The following MYH15 variants were observed in gnomAD, a reference collection of about 807,000 sequenced individuals.
MYH15 encodes myosin-15.
MYH15 carries 227 observed loss-of-function variants against 240.5 expected under a neutral mutation model. The ratio of observed to expected loss-of-function variants is 0.94; its 90% CI spans 0.85 to 1.05. MYH15 has a LOEUF of 1.05. MYH15 is among the 50% of genes least tolerant of loss of function. MYH15 has a pLI of 0.00. For synonymous variants in MYH15, 785 were observed against 796.7 expected (o/e 0.99, Z 0.25); for missense variants, 2,217 against 2,247.5 (o/e 0.99, Z 0.27).
At chr3:108,463,521 A>G (rs1290857398) in intron 15 of MYH15, among the ~76,000 whole-genome samples, 1 of 151,398 alleles carries the variant, frequency 6.6e-6, no homozygotes, top group African/African-American at 2.4e-5. Flanking sequence ...ATGTGTGGAG[A>G]TTTGGTTTCC....
At chr3:108,532,840 C>T (rs866628618), upstream of MYH15, among the ~76,000 whole-genome samples, 5 of 152,266 alleles carry the variant, frequency 3.3e-5, no homozygotes, top group Middle Eastern at 3.4e-3. Context: ...AAGGCCATGC[C>T]TATCTGGATG....
chr3:108,403,627 G>T (rs1287371465), intron 33 of MYH15, among the ~76,000 whole-genome samples: 2 of 151,886 alleles, frequency 1.3e-5, no homozygotes, highest in African/African-American at 4.8e-5. Flanking sequence ...GAAAGGGTCT[G>T]GGCTGGTATT....
intron 29 of MYH15, 123 bp downstream of exon 29, chr3:108,416,689 T>G: frequency 1.2e-6 from 1 of 817,668 alleles, no homozygotes; most frequent in East Asian, 2.6e-5. Context: ...TTTTCCCCCA[T>G]AACTTCTAGG....
At chr3:108,435,841 C>T (rs1354803304) in intron 25 of MYH15, among the ~76,000 whole-genome samples, 2 of 144,452 alleles carry the variant, frequency 1.4e-5, no homozygotes, top group African/African-American at 5.5e-5. Context: ...TATGTATACA[C>T]ACACACACAC....
chr3:108,470,085 C>A lies in MYH15; in HGVS notation c.1511G>T (p.Gly504Val), dbSNP rs2083158370. Reference protein sequence around the residue: ...KKESIEWVSIGFGLDLQACID... With the variant: ...KKESIEWVSIVFGLDLQACID... ...GCAAGCTTGCAAATCCAGACCAAAGCCAATAGACACCCATTCAATGCTTTC... is the reference window on the plus strand; with the variant it reads ...GCAAGCTTGCAAATCCAGACCAAAGACAATAGACACCCATTCAATGCTTTC... Residue 504 changes from glycine to valine, a missense_variant, in exon 14 of 41, where the codon GGC becomes GTC. Transcript: ENST00000693548. 1.2e-6 allele frequency: 2 copies of A among 1,610,858 alleles called. No homozygotes were observed. Among genetic ancestry groups the A allele is most frequent in the African/African-American group, 2.7e-5 (2 of 74,630 alleles).
chr3:108,524,888 A>G (rs2083654586), intron 1 of MYH15, among the ~76,000 whole-genome samples: 1 of 152,008 alleles, frequency 6.6e-6, no homozygotes, highest in Non-Finnish European at 1.5e-5. Flanking sequence ...GCATGATTCA[A>G]TATTCTGCTA....
In MYH15 at chr3:108,394,170, G is replaced by A; in HGVS notation, c.5134-14C>T. The A allele has an allele frequency of 6.2e-7, 1 of 1,613,686 alleles. No individual in the cohort carries two copies. The highest frequency in any genetic ancestry group is 8.5e-7 in the Non-Finnish European group (1 of 1,179,890). On this transcript the variant is annotated splice_polypyrimidine_tract_variant and intron_variant, in intron 35 of 40. Coordinates refer to ENST00000693548, the MANE Select transcript of MYH15 (RefSeq NM_014981.3). ...GAGGCTTGTGTTCTAAAGAAAAGCAGCATTCCTATTAGGCAAGTAAAAACC... is the reference window on the plus strand; with the variant it reads ...GAGGCTTGTGTTCTAAAGAAAAGCAACATTCCTATTAGGCAAGTAAAAACC...
intron 27 of MYH15, among the ~76,000 whole-genome samples, chr3:108,423,900 A>C (rs775991120): frequency 6.6e-6 from 1 of 152,236 alleles, no homozygotes; most frequent in Non-Finnish European, 1.5e-5. Flanking sequence ...AGGTGGCCCA[A>C]ATTGTCATGA....
In MYH15 at chr3:108,444,706, C is replaced by T; in HGVS notation, c.2589G>A (p.Glu863=). The change falls in exon 22 of 41, where the codon GAG becomes GAA. Residue 863 remains glutamate, a synonymous_variant. Coordinates refer to ENST00000693548, the MANE Select transcript of MYH15 (RefSeq NM_014981.3). ...GGGATACTTGCTTTGCTTTCAGTTC[C>T]TCCCTCTGAAACTCTGATTTCTCCA... The part of the protein sequence containing the change: ...KALEKSEFQR[E]ELKAKQVSLT... 6.2e-7 allele frequency: 1 copy of T among 1,614,016 alleles called. No individual in the cohort carries two copies. Among genetic ancestry groups the T allele is most frequent in the South Asian group, 1.1e-5 (1 of 91,078 alleles).
chr3:108,483,057 A>G (rs2083278727), intron 11 of MYH15, among the ~76,000 whole-genome samples: 1 of 151,922 alleles, frequency 6.6e-6, no homozygotes, highest in South Asian at 2.1e-4. Flanking sequence ...AGCCCAGTGT[A>G]GTGGTGCACC....
At chr3:108,443,513 T>G (rs2082901196) in intron 22 of MYH15, among the ~76,000 whole-genome samples, 1 of 152,106 alleles carries the variant, frequency 6.6e-6, no homozygotes, top group Non-Finnish European at 1.5e-5. Context: ...CTGTGCTAAG[T>G]AGAGAGGAAA....
intron 11 of MYH15, among the ~76,000 whole-genome samples, chr3:108,478,879 C>A (rs1386285363): frequency 6.6e-6 from 1 of 152,146 alleles, no homozygotes; most frequent in Non-Finnish European, 1.5e-5. Flanking sequence ...AGTATCCCAC[C>A]TTAAGCTTAA....
chr3:108,504,529 TA>T (rs935565961), intron 2 of MYH15, among the ~76,000 whole-genome samples: 1 of 152,160 alleles, frequency 6.6e-6, no homozygotes, highest in African/African-American at 2.4e-5. Flanking sequence ...AAGATAGCAT[TA>T]AAAAGACAAA....
intron 1 of MYH15, among the ~76,000 whole-genome samples, chr3:108,525,105 C>G (rs1160388395): frequency 6.6e-6 from 1 of 152,076 alleles, no homozygotes; most frequent in East Asian, 1.9e-4. Context: ...TTACATTGTC[C>G]TAATTTCAGC....
At chr3:108,512,896 T>G (rs2083532095), upstream of MYH15, among the ~76,000 whole-genome samples, 1 of 152,080 alleles carries the variant, frequency 6.6e-6, no homozygotes, top group African/African-American at 2.4e-5. Context: ...TGGCAACCAT[T>G]TGGAGATAGG....
intron 36 of MYH15, among the ~76,000 whole-genome samples, chr3:108,392,331 C>T (rs1458576843): frequency 6.6e-6 from 1 of 152,164 alleles, no homozygotes; most frequent in Non-Finnish European, 1.5e-5. Context: ...GAAGTGCCTA[C>T]AAAAATCTTT....
Position 108,380,631 on chromosome 3 carries a change from T to C in MYH15, c.*914A>G, listed in dbSNP as rs1440551517. ...TGGAGCTGCACACACACCTGGCCAG[T>C]ACTTTGCAAAGCTGAAGGAGGAGGC... On this transcript the variant is annotated 3_prime_UTR_variant, in exon 41 of 41. Coordinates refer to ENST00000693548, the MANE Select transcript of MYH15 (RefSeq NM_014981.3). 2.0e-5 allele frequency: 3 copies of C among 152,434 alleles called. No homozygotes were observed. Among genetic ancestry groups the C allele is most frequent in the Non-Finnish European group, 4.4e-5 (3 of 68,266 alleles). 9.4% of individuals were successfully genotyped at this position (152,434 alleles called of 1,614,324 possible).
chr3:108,491,952 C>T (rs1318982161), intron 9 of MYH15, among the ~76,000 whole-genome samples: 1 of 152,120 alleles, frequency 6.6e-6, no homozygotes, highest in South Asian at 2.1e-4. Flanking sequence ...CTTTATAAAA[C>T]TCCCTGAGCC....
chr3:108,466,049 A>G (rs1420190075), intron 14 of MYH15, among the ~76,000 whole-genome samples: 1 of 152,222 alleles, frequency 6.6e-6, no homozygotes, highest in African/African-American at 2.4e-5. Flanking sequence ...TCATTGAAAC[A>G]CTGAAAGCAG....
Sources: gnomAD v4.1 joint callset for allele counts (sites outside exome capture counted in the v4.1 genomes callset) on GRCh38, gnomAD v4.1.1 for gene constraint, MANE v1.5 for transcripts, NCBI Gene and HGNC (gene_info 2026-07-23, HGNC 2026-07-21) for gene names.